Variants in CNTN6 observed in about 807,000 individuals in gnomAD.
The protein encoded by CNTN6 is contactin-6.
Under a neutral mutation model 122.8 loss-of-function variants are expected in CNTN6, and 137 were observed. That is an observed-to-expected ratio of 1.12 (90% CI 0.97 to 1.29). CNTN6 has a LOEUF of 1.29. Ranked by LOEUF, CNTN6 falls within the 50% of genes most tolerant of loss-of-function variation. The pLI, the probability that CNTN6 is intolerant of heterozygous loss-of-function variation, is 0.00. For synonymous variants in CNTN6, 570 were observed against 426.0 expected (o/e 1.34, Z -4.16); for missense variants, 1,634 against 1,223.4 (o/e 1.34, Z -5.01).
At chr3:1,359,937 C>T (rs1707207168) in intron 12 of CNTN6, among the ~76,000 whole-genome samples, 1 of 151,964 alleles carries the variant, frequency 6.6e-6, no homozygotes, top group Non-Finnish European at 1.5e-5. Flanking sequence ...AATTCATTTC[C>T]CAAATCTATC....
At chr3:1,189,450 G>A (rs1319618340) in intron 2 of CNTN6, among the ~76,000 whole-genome samples, 2 of 152,204 alleles carry the variant, frequency 1.3e-5, no homozygotes, top group East Asian at 1.9e-4. Flanking sequence ...GGAATTTGCA[G>A]AAGTTGATAA....
chr3:1,110,312 CTT>C (rs539015964), intron 1 of CNTN6, among the ~76,000 whole-genome samples: 1 of 151,988 alleles, frequency 6.6e-6, no homozygotes, highest in Non-Finnish European at 1.5e-5. Context: ...AGAATCTAAT[CTT>C]TTTTTGATTG....
chr3:1,380,525 T>C (rs942276493), intron 17 of CNTN6, among the ~76,000 whole-genome samples: 4 of 152,168 alleles, frequency 2.6e-5, no homozygotes, highest in Non-Finnish European at 5.9e-5. Context: ...TCATAAATAT[T>C]ACTATAAAAT....
intron 11 of CNTN6, among the ~76,000 whole-genome samples, chr3:1,340,414 A>G (rs184996834): frequency 2.6e-5 from 4 of 152,324 alleles, no homozygotes; most frequent in East Asian, 1.9e-4. Flanking sequence ...ATTCACATCA[A>G]TACAAAAATA....
At chr3:1,314,457 G>A (rs149402099) in intron 7 of CNTN6, among the ~76,000 whole-genome samples, 1 of 152,188 alleles carries the variant, frequency 6.6e-6, no homozygotes, top group East Asian at 1.9e-4. Flanking sequence ...GATTTAAGCT[G>A]TAGATAATGA....
chr3:1,314,720 A>T (rs933055948), intron 7 of CNTN6, among the ~76,000 whole-genome samples: 4 of 152,072 alleles, frequency 2.6e-5, no homozygotes, highest in Non-Finnish European at 5.9e-5. Context: ...GTAAAAGTCC[A>T]TATTTATGGC....
chr3:1,110,225 T>C (rs1276793724), intron 1 of CNTN6, among the ~76,000 whole-genome samples: 1 of 152,196 alleles, frequency 6.6e-6, no homozygotes, highest in Non-Finnish European at 1.5e-5. Context: ...GAATTGCTTT[T>C]TGATTTAGGA....
chr3:1,325,801 C>A lies in CNTN6; in HGVS notation c.947-14C>A. 1 of 1,608,644 alleles carries A rather than the reference C, an allele frequency of 6.2e-7. No homozygotes were observed. Among genetic ancestry groups the A allele is most frequent in the Non-Finnish European group, 8.5e-7 (1 of 1,177,176 alleles). ...GCCTTTTACCAAACAGTGGCACTTG[C>A]CTTTTTGAAACAGCTCCTCCAGAAT... On this transcript the variant is annotated splice_polypyrimidine_tract_variant and intron_variant, in intron 8 of 22. Transcript: ENST00000446702.
chr3:1,094,002 G>A (rs1031369098), intron 1 of CNTN6, among the ~76,000 whole-genome samples: 12 of 152,140 alleles, frequency 7.9e-5, no homozygotes, highest in African/African-American at 2.9e-4. Flanking sequence ...CTAAATAGAA[G>A]TTATACTGAG....
intron 21 of CNTN6, 56 bp from the exon 22 acceptor site, chr3:1,402,262 T>C: frequency 7.0e-7 from 1 of 1,425,774 alleles, no homozygotes; most frequent in Non-Finnish European, 9.7e-7. Context: ...AGAACAGTTG[T>C]GTGAACCTTA....
At chr3:1,145,586 T>A (rs578168062) in intron 1 of CNTN6, among the ~76,000 whole-genome samples, 319 of 152,296 alleles carry the variant, frequency 2.1e-3, no homozygotes, top group Admixed American at 3.7e-3. Context: ...CTATTGATAA[T>A]TCTGCCATGA....
chr3:1,383,625 A>G (rs944605816), intron 19 of CNTN6, among the ~76,000 whole-genome samples: 1 of 151,914 alleles, frequency 6.6e-6, no homozygotes, highest in African/African-American at 2.4e-5. Flanking sequence ...AGAATTCGAG[A>G]GTGAGCCAGT....
chr3:1,354,132 G>A (rs151104065), intron 12 of CNTN6, among the ~76,000 whole-genome samples: 48 of 151,462 alleles, frequency 3.2e-4, no homozygotes, highest in African/African-American at 1.1e-3. Flanking sequence ...AAAAGGTGAC[G>A]GCTAACAAAA....
chr3:1,358,661 T>G (rs1706986862), intron 12 of CNTN6, among the ~76,000 whole-genome samples: 1 of 152,002 alleles, frequency 6.6e-6, no homozygotes, highest in African/African-American at 2.4e-5. Context: ...TCCTCTTTTT[T>G]TGGGTTTTAT....
rs201648153 is a variant in CNTN6, at chr3:1,154,606, G to A, written c.55+6543G>A. On this transcript the variant is annotated intron_variant, in intron 2 of 22. Transcript: ENST00000446702. ...TTACGGGCATGCACCACCACACCTG[G>A]CTAACTTTGTATTTTTAGTAGAGAC... Among the ~76,000 whole-genome samples the A allele has an allele frequency of 4.6e-4, 70 of 151,984 alleles. No homozygotes were observed. In the East Asian group the frequency reaches 0.011, roughly 24 times the overall value.
intron 7 of CNTN6, among the ~76,000 whole-genome samples, chr3:1,302,307 T>C (rs1486781723): frequency 6.6e-6 from 1 of 152,162 alleles, no homozygotes; most frequent in South Asian, 2.1e-4. Context: ...CCTGTCTACT[T>C]TGTGATGTAC....
At chr3:1,373,220 A>G (rs1709349934) in intron 14 of CNTN6, among the ~76,000 whole-genome samples, 2 of 152,128 alleles carry the variant, frequency 1.3e-5, no homozygotes. Flanking sequence ...ACTAAAACTT[A>G]GACATACCTT....
Position 1,295,719 on chromosome 3 carries a change from G to C in CNTN6, c.573G>C (p.Val191=). Residue 191 remains valine, a synonymous_variant, in exon 6 of 23, where the codon GTG becomes GTC. Coordinates refer to ENST00000446702, the MANE Select transcript of CNTN6 (RefSeq NM_001289080.2). ...LYIAKVEPSD[V]GNYTCFITNK... is the part of the protein sequence containing the mutation. ...TTGCCAAAGTGGAACCATCAGATGTGGGCAACTACACTTGCTTTATAACTA... is the reference window on the plus strand; with the variant it reads ...TTGCCAAAGTGGAACCATCAGATGTCGGCAACTACACTTGCTTTATAACTA... 6.2e-7 allele frequency: 1 copy of C among 1,614,018 alleles called. No individual in the cohort carries two copies. The highest frequency in any genetic ancestry group is 2.2e-5 in the East Asian group (1 of 44,870).
At chr3:1,367,518 T>C (rs1708407689) in intron 12 of CNTN6, among the ~76,000 whole-genome samples, 1 of 151,948 alleles carries the variant, frequency 6.6e-6, no homozygotes, top group Admixed American at 6.6e-5. Flanking sequence ...CCTCTCAATT[T>C]GTGTTTTGTA....
Sources: gnomAD v4.1 joint callset for allele counts (sites outside exome capture counted in the v4.1 genomes callset) on GRCh38, gnomAD v4.1.1 for gene constraint, MANE v1.5 for transcripts, NCBI Gene and HGNC (gene_info 2026-07-23, HGNC 2026-07-21) for gene names.